The following RET variants were observed in gnomAD, a reference collection of about 807,000 sequenced individuals.
RET encodes proto-oncogene tyrosine-protein kinase receptor Ret.
A neutral mutation model predicts 118.3 loss-of-function variants in RET; 19 were observed. The observed-to-expected ratio is 0.16, with a 90% CI of 0.11 to 0.24. The LOEUF (loss-of-function observed/expected upper bound fraction) is 0.24, where lower values mean the gene tolerates loss of function less well. Ranked by LOEUF, RET falls within the 10% of genes least tolerant of loss-of-function variation. The pLI is 1.00. For missense variants in RET, 1,219 were observed against 1,502.1 expected (o/e 0.81, Z 3.12); for synonymous variants, 597 against 644.1 (o/e 0.93, Z 1.11).
At chr10:43,087,455 A>G (rs529480485) in intron 1 of RET, among the ~76,000 whole-genome samples, 34 of 152,376 alleles carry the variant, frequency 2.2e-4, no homozygotes, top group Admixed American at 9.8e-4. Context: ...CGCCCGGTAT[A>G]TGCACTGAGC....
At position 43,113,566 on chromosome 10, in the gene RET, T is replaced by C. The variant is rs1160114479; in HGVS notation, c.1770T>C (p.Ile590=). The change falls in exon 10 of 20, where the codon ATT becomes ATC. Residue 590 remains isoleucine (I), a synonymous_variant. Transcript: ENST00000355710. The part of the protein sequence containing the change: ...ICPQDCLRGS[I]VGGHEPGEPR... ...TACGTCTGCCCTCAGGGGGCAGCAT[T>C]GTTGGGGGACACGAGCCTGGGGAGC... 5.6e-6 allele frequency: 9 copies of C among 1,608,636 alleles called. No individual in the cohort carries two copies. Among genetic ancestry groups the C allele is most frequent in the East Asian group, 2.2e-5 (1 of 44,738 alleles).
In RET at chr10:43,124,887, C is replaced by T. The variant is rs17158558; in HGVS notation, c.2944C>T (p.Arg982Cys). 26,408 of 1,613,854 alleles carry T rather than the reference C, an allele frequency of 0.016. 372 individuals carry two copies. The highest frequency in any genetic ancestry group is 0.042 in the South Asian group (3,855 of 91,056). The change falls in exon 18 of 20, where the codon CGC becomes TGC. Residue 982 changes from arginine to cysteine, a missense_variant. Physicochemically the swap from Arg to Cys is radical, Grantham distance 180 (BLOSUM62 -3). Around this residue, in one of 5 missense-constraint regions of RET, gnomAD observed 174 missense variants for 179.3 expected, o/e 0.97. Transcript: ENST00000355710. ...CCTGTCTGCTCTTCCCACCAGGTAC[C>T]GCCTGATGCTGCAATGCTGGAAGCA... Reference protein sequence around the residue: ...RPDNCSEEMYRLMLQCWKQEP... With the variant: ...RPDNCSEEMYCLMLQCWKQEP...
intron 1 of RET, among the ~76,000 whole-genome samples, chr10:43,085,325 G>A (rs2506007): frequency 3.3e-5 from 5 of 152,056 alleles, no homozygotes; most frequent in African/African-American, 9.7e-5. Flanking sequence ...TCTGCCCTGC[G>A]TTTCTGCTCC....
chr10:43,100,439 C>CACTTCCCT lies in RET; in HGVS notation c.74-12_74-5dup. 1 of 1,611,846 alleles carries CACTTCCCT rather than the reference C, an allele frequency of 6.2e-7. No individual in the cohort carries two copies. The highest frequency in any genetic ancestry group is 1.1e-5 in the South Asian group (1 of 91,000). ...AGCCTTATTCTCACCATCCCTCACTCACTTCCCTACTTCCCACAGTGGCAT... is the reference window on the plus strand; with the variant it reads ...AGCCTTATTCTCACCATCCCTCACTCACTTCCCTACTTCCCTACTTCCCACAGTGGCAT... On this transcript the variant is annotated intron_variant, in intron 1 of 19. Transcript: ENST00000355710.
intron 2 of RET, 80 bp from the exon 3 acceptor site, chr10:43,102,262 T>A: frequency 1.3e-6 from 2 of 1,572,034 alleles, no homozygotes; most frequent in South Asian, 2.2e-5. Flanking sequence ...ACACCAGCCC[T>A]GGAGCTCCTG....
At chr10:43,077,581 G>T (rs767777664) in intron 1 of RET, among the ~76,000 whole-genome samples, 1 of 151,390 alleles carries the variant, frequency 6.6e-6, no homozygotes, top group African/African-American at 2.4e-5. Flanking sequence ...GGGCCGGGCC[G>T]CGGGGGTCGG....
intron 1 of RET, among the ~76,000 whole-genome samples, chr10:43,093,858 C>A (rs1837460702): frequency 6.6e-6 from 1 of 151,406 alleles, no homozygotes; most frequent in African/African-American, 2.4e-5. Context: ...TGAATGACGT[C>A]AAAAAATGAG....
intron 18 of RET, among the ~76,000 whole-genome samples, chr10:43,125,495 G>A (rs539081531): frequency 6.6e-6 from 1 of 152,288 alleles, no homozygotes; most frequent in Admixed American, 6.5e-5. Context: ...GGTTTATGTT[G>A]TCTCCCAGTT....
chr10:43,118,258 C>T (rs370094559), intron 12 of RET, 115 bp from the exon 13 acceptor site: 6 of 803,816 alleles, frequency 7.5e-6, no homozygotes, highest in Non-Finnish European at 1.3e-5. Flanking sequence ...ATCGTCTTTG[C>T]AGGCCTCTCT....
chr10:43,123,567 A>T (rs1281872944), intron 16 of RET, 104 bp from the exon 17 acceptor site: 3 of 1,484,620 alleles, frequency 2.0e-6, no homozygotes, highest in Admixed American at 3.3e-5. Context: ...CTTGAAGCCG[A>T]CAGGGTCAGC....
At position 43,121,969 on chromosome 10, in the gene RET, G is replaced by A. The variant is rs753208054; in HGVS notation, c.2754G>A (p.Met918Ile). Residue 918 changes from methionine to isoleucine, a missense_variant, in exon 16 of 20, where the codon ATG becomes ATA. By Grantham distance (10) the Met-to-Ile change is conservative. Coordinates refer to ENST00000355710, the MANE Select transcript of RET (RefSeq NM_020975.6). ...AGGGTCGGATTCCAGTTAAATGGATGGCAATTGAATCCCTTTTTGATCATA... is the reference window on the plus strand; with the variant it reads ...AGGGTCGGATTCCAGTTAAATGGATAGCAATTGAATCCCTTTTTGATCATA... ...RSQGRIPVKW[M>I]AIESLFDHIY... is the part of the protein sequence containing the mutation. The A allele has an allele frequency of 1.2e-6, 2 of 1,613,338 alleles. No individual in the cohort carries two copies. Among genetic ancestry groups the A allele is most frequent in the South Asian group, 2.2e-5 (2 of 91,046 alleles).
At chr10:43,122,130 G>C (rs1259023332) in intron 16 of RET, 114 bp downstream of exon 16, 3 of 834,070 alleles carry the variant, frequency 3.6e-6, no homozygotes, top group Non-Finnish European at 6.3e-6. Flanking sequence ...CTGGCCCTGA[G>C]CACCTGTCTG....
intron 1 of RET, among the ~76,000 whole-genome samples, chr10:43,080,971 G>A (rs1442412402): frequency 2.0e-5 from 3 of 152,182 alleles, no homozygotes; most frequent in African/African-American, 7.2e-5. Flanking sequence ...CAGGGATGGG[G>A]TTTGGGCATC....
chr10:43,108,618 A>G (rs1011628288), intron 5 of RET, among the ~76,000 whole-genome samples: 1 of 152,116 alleles, frequency 6.6e-6, no homozygotes, highest in Non-Finnish European at 1.5e-5. Flanking sequence ...CGGGGACTCA[A>G]GATTTTAGTT....
chr10:43,080,359 TG>T (rs902342723), intron 1 of RET, among the ~76,000 whole-genome samples: 23 of 152,204 alleles, frequency 1.5e-4, no homozygotes, highest in Non-Finnish European at 2.9e-5. Flanking sequence ...TAGCACCCCA[TG>T]GGGGCTCACA....
chr10:43,109,418 G>T (rs1329377198), intron 6 of RET, among the ~76,000 whole-genome samples, 188 bp downstream of exon 6: 2 of 152,214 alleles, frequency 1.3e-5, no homozygotes, highest in Non-Finnish European at 2.9e-5. Flanking sequence ...AGTGGGCAGG[G>T]CTGGGGGCTC....
In RET at chr10:43,128,955, T is replaced by A. The variant is rs960084274; in HGVS notation, c.*686T>A. The A allele has an allele frequency of 4.6e-5, 11 of 238,438 alleles. No individual in the cohort carries two copies. The highest frequency in any genetic ancestry group is 2.4e-4 in the African/African-American group (11 of 45,284). The allele number at this position is 238,438 out of a possible 1,614,324, so 14.8% of individuals were successfully genotyped here. A position where few individuals can be genotyped will look rare whatever the true frequency, so the allele number is the denominator to read the frequency against. ...GATTTAGCACAATGGAGAGATTCCATGCCATCTTTACTATGTGGATGGTGG... is the reference window on the plus strand; with the variant it reads ...GATTTAGCACAATGGAGAGATTCCAAGCCATCTTTACTATGTGGATGGTGG... On this transcript the variant is annotated 3_prime_UTR_variant, in exon 20 of 20. Transcript: ENST00000355710.
At chr10:43,097,716 G>C (rs1837550456) in intron 1 of RET, among the ~76,000 whole-genome samples, 1 of 152,218 alleles carries the variant, frequency 6.6e-6, no homozygotes, top group African/African-American at 2.4e-5. Flanking sequence ...GCTTTCTCCT[G>C]TTCTATTTTC....
In RET at chr10:43,102,622, C is replaced by A. The variant is rs1377770977; in HGVS notation, c.618C>A (p.Leu206=). Residue 206 remains leucine, a synonymous_variant, in exon 3 of 20, where the codon CTC becomes CTA. Coordinates refer to ENST00000355710, the MANE Select transcript of RET (RefSeq NM_020975.6). The stretch of plus-strand genomic sequence containing the variant: ...CCAACATCAGCGTGGCCTACAGGCT[C>A]CTGGAGGGTGAGTGCCGACCTTGTG... ...LCPNISVAYR[L]LEGEGLPFRC... 1 of 1,614,114 alleles carries A rather than the reference C, an allele frequency of 6.2e-7. No homozygotes were observed. The highest frequency in any genetic ancestry group is 8.5e-7 in the Non-Finnish European group (1 of 1,180,052).
Sources: allele counts gnomAD v4.1 joint callset (sites outside exome capture counted in the v4.1 genomes callset), GRCh38; gene constraint gnomAD v4.1.1; regional missense constraint gnomAD v4.1.1; transcripts MANE v1.5; gene names NCBI Gene and HGNC (gene_info 2026-07-23, HGNC 2026-07-21).